Variants in CHP1 observed in about 807,000 individuals in gnomAD.
CHP1 encodes calcineurin like EF-hand protein 1.
Under a neutral mutation model 27.4 loss-of-function variants are expected in CHP1, and 11 were observed. The observed-to-expected ratio is 0.40, with a 90% CI of 0.25 to 0.67. The LOEUF is 0.67. Ranked by LOEUF, CHP1 falls within the 30% of genes least tolerant of loss-of-function variation. The pLI, the probability that CHP1 is intolerant of heterozygous loss-of-function variation, is 0.38. For missense variants in CHP1, 169 were observed against 251.3 expected (o/e 0.67, Z 2.22); for synonymous variants, 89 against 87.4 (o/e 1.02, Z -0.10).
intron 1 of CHP1, 57 bp from the exon 2 acceptor site, chr15:41,243,610 G>A: frequency 7.0e-7 from 1 of 1,429,596 alleles, no homozygotes; most frequent in Non-Finnish European, 9.8e-7. Context: ...CGAGGGGTGG[G>A]TTCAGTGTGA....
chr15:41,257,598 C>T (rs372639011), intron 3 of CHP1, among the ~76,000 whole-genome samples: 1 of 151,872 alleles, frequency 6.6e-6, no homozygotes, highest in African/African-American at 2.4e-5. Context: ...CTTGCTCGGT[C>T]GCTCAGGCTG....
intron 1 of CHP1, among the ~76,000 whole-genome samples, chr15:41,243,230 A>T (rs2047316112): frequency 6.6e-6 from 1 of 151,896 alleles, no homozygotes; most frequent in South Asian, 2.1e-4. Context: ...AATCCCAGCT[A>T]CTCGGGAGGC....
chr15:41,275,434 T>C (rs1014529272), intron 5 of CHP1, among the ~76,000 whole-genome samples: 5 of 152,154 alleles, frequency 3.3e-5, no homozygotes, highest in African/African-American at 1.2e-4. Flanking sequence ...GGATTACAGG[T>C]GTGAGCCACC....
In CHP1 at chr15:41,262,737, T is replaced by C. The variant is rs746242989; in HGVS notation, c.222-19T>C. The C allele has an allele frequency of 1.9e-6, 3 of 1,611,564 alleles. No homozygotes were observed. In the South Asian group the frequency reaches 3.3e-5, roughly 18 times the overall value. ...ACCGTGATTGACATGGTGTTGTGTT[T>C]GTTATATTTCACAATCAGAGAGGAC... On this transcript the variant is annotated intron_variant, in intron 3 of 6. Coordinates refer to ENST00000334660, the MANE Select transcript of CHP1 (RefSeq NM_007236.5).
intron 3 of CHP1, among the ~76,000 whole-genome samples, chr15:41,259,215 C>T (rs140295843): frequency 6.6e-6 from 1 of 152,264 alleles, no homozygotes; most frequent in Non-Finnish European, 1.5e-5. Flanking sequence ...GAAAAGTAAA[C>T]CCAGGAGAGT....
At chr15:41,261,763 C>T (rs991146168) in intron 3 of CHP1, among the ~76,000 whole-genome samples, 61 of 151,960 alleles carry the variant, frequency 4.0e-4, no homozygotes, top group Middle Eastern at 3.4e-3. Context: ...GAGGCTGAGG[C>T]GGGCAGATCA....
rs182653586 is a variant in CHP1 at position 41,242,527 on chromosome 15, G to A, written c.68-1140G>A. ...CCAGCTACTTGGGAGACTGAGGCACGAGAATCGCTTGAACCCAGGAGGTGG... is the reference window on the plus strand; with the variant it reads ...CCAGCTACTTGGGAGACTGAGGCACAAGAATCGCTTGAACCCAGGAGGTGG... On this transcript the variant is annotated intron_variant, in intron 1 of 6. Coordinates refer to ENST00000334660, the MANE Select transcript of CHP1 (RefSeq NM_007236.5). Among the ~76,000 whole-genome samples, 215 of 152,300 alleles carry A rather than the reference G, an allele frequency of 1.4e-3. 1 individual carries two copies. The highest frequency in any genetic ancestry group is 5.0e-3 in the African/African-American group (208 of 41,572).
chr15:41,236,419 G>A (rs938112012), intron 1 of CHP1, among the ~76,000 whole-genome samples: 5 of 151,812 alleles, frequency 3.3e-5, no homozygotes, highest in East Asian at 1.9e-4. Flanking sequence ...ATGCCACCAC[G>A]CCTGGCTAAT....
Position 41,279,584 on chromosome 15 carries a change from C to T in CHP1, c.*195C>T. 5.3e-6 allele frequency: 3 copies of T among 563,180 alleles called. No individual in the cohort carries two copies. 34.9% of individuals were successfully genotyped at this position (563,180 alleles called of 1,614,324 possible). A position where few individuals can be genotyped will look rare whatever the true frequency, so the allele number is the denominator to read the frequency against. On this transcript the variant is annotated 3_prime_UTR_variant, in exon 7 of 7. Transcript: ENST00000334660. ...AACAGGGCATTACAGAATGGTACAC[C>T]CTATATATTTCTGTTCAGTATCCAT... is the stretch of plus-strand genomic sequence containing the variant.
At chr15:41,240,411 A>G (rs16952331) in intron 1 of CHP1, among the ~76,000 whole-genome samples, 6,825 of 152,274 alleles carry the variant, frequency 0.045, 267 homozygotes, top group East Asian at 0.19. Flanking sequence ...TACTAAATGA[A>G]AAGCAAGCTA....
intron 1 of CHP1, among the ~76,000 whole-genome samples, chr15:41,241,433 G>C (rs2047306564): frequency 6.6e-6 from 1 of 152,184 alleles, no homozygotes. Flanking sequence ...TTCATTGACT[G>C]GTGAGTTCGC....
At chr15:41,258,560 A>G (rs2047414670) in intron 3 of CHP1, among the ~76,000 whole-genome samples, 1 of 152,222 alleles carries the variant, frequency 6.6e-6, no homozygotes, top group Non-Finnish European at 1.5e-5. Context: ...TTGAATAAAC[A>G]TAGTTCTCAC....
chr15:41,238,823 T>C (rs1353894302), intron 1 of CHP1, among the ~76,000 whole-genome samples: 1 of 151,972 alleles, frequency 6.6e-6, no homozygotes, highest in Non-Finnish European at 1.5e-5. Flanking sequence ...CTGCACTCCA[T>C]CCTGGGTGAC....
chr15:41,275,180 G>A (rs2047513520), intron 5 of CHP1, among the ~76,000 whole-genome samples: 1 of 151,422 alleles, frequency 6.6e-6, no homozygotes, highest in African/African-American at 2.4e-5. Flanking sequence ...CGTTTGAGAG[G>A]GAGTGTCTTT....
At chr15:41,255,482 G>C (rs1468491156) in intron 2 of CHP1, among the ~76,000 whole-genome samples, 1 of 152,070 alleles carries the variant, frequency 6.6e-6, no homozygotes, top group Non-Finnish European at 1.5e-5. Context: ...AGACCAGCCT[G>C]GCCAATGTGG....
intron 1 of CHP1, among the ~76,000 whole-genome samples, chr15:41,242,510 T>G (rs2047311787): frequency 6.6e-6 from 1 of 152,164 alleles, no homozygotes; most frequent in Non-Finnish European, 1.5e-5. Flanking sequence ...TCCCAGCTAC[T>G]TGGGAGACTG....
At chr15:41,271,051 C>T (rs375809067) in intron 5 of CHP1, among the ~76,000 whole-genome samples, 2 of 152,080 alleles carry the variant, frequency 1.3e-5, no homozygotes, top group Non-Finnish European at 2.9e-5. Flanking sequence ...GTCAGGAGAT[C>T]GAGACCATCC....
chr15:41,245,815 C>A (rs1327082698), intron 2 of CHP1, among the ~76,000 whole-genome samples: 2 of 152,100 alleles, frequency 1.3e-5, no homozygotes, highest in African/African-American at 4.8e-5. Flanking sequence ...TTGATGAAGT[C>A]CAGTTTCTTT....
chr15:41,247,800 T>C (rs1012255918), intron 2 of CHP1, among the ~76,000 whole-genome samples: 1 of 151,286 alleles, frequency 6.6e-6, no homozygotes, highest in Non-Finnish European at 1.5e-5. Flanking sequence ...AAACCCCGTC[T>C]CTACTAAAAA....
Sources: gnomAD v4.1 joint callset for allele counts (sites outside exome capture counted in the v4.1 genomes callset) on GRCh38, gnomAD v4.1.1 for gene constraint, MANE v1.5 for transcripts, NCBI Gene and HGNC (gene_info 2026-07-23, HGNC 2026-07-21) for gene names.